The following CTNNA3 variants were observed in gnomAD, a reference collection of about 807,000 sequenced individuals.
The protein encoded by CTNNA3 is catenin alpha-3.
CTNNA3 carries 76 observed loss-of-function variants against 95.7 expected under a neutral mutation model. The observed-to-expected ratio is 0.79, with a 90% confidence interval of 0.66 to 0.96. The LOEUF (loss-of-function observed/expected upper bound fraction) is 0.96, where lower values mean the gene tolerates loss of function less well. Among genes scored for constraint, CTNNA3 ranks in the 40% least tolerant of loss-of-function variants. The pLI is 0.00. For synonymous variants in CTNNA3, 431 were observed against 374.4 expected (o/e 1.15, Z -1.74); for missense variants, 1,191 against 1,089.8 (o/e 1.09, Z -1.31).
chr10:66,788,197 A>G (rs1333554341), intron 7 of CTNNA3, among the ~76,000 whole-genome samples: 1 of 152,062 alleles, frequency 6.6e-6, no homozygotes, highest in Non-Finnish European at 1.5e-5. Flanking sequence ...TTTAATGACC[A>G]CCACCCTCCT....
chr10:65,951,530 T>C (rs1032516616), intron 17 of CTNNA3, among the ~76,000 whole-genome samples: 5 of 152,118 alleles, frequency 3.3e-5, no homozygotes, highest in African/African-American at 1.2e-4. Flanking sequence ...TGTGCTCTAG[T>C]CTGTGTTTCC....
intron 1 of CTNNA3, among the ~76,000 whole-genome samples, chr10:67,726,446 A>ATTATATATAATAT (rs1483078483): frequency 5.5e-5 from 1 of 18,042 alleles, no homozygotes; most frequent in African/African-American, 9.6e-5. Context: ...TATAATATAT[A>ATTATATATAATAT]ATATTATATA....
intron 9 of CTNNA3, among the ~76,000 whole-genome samples, chr10:66,747,481 A>G (rs916047208): frequency 2.0e-5 from 3 of 152,162 alleles, no homozygotes; most frequent in South Asian, 2.1e-4. Flanking sequence ...TCCTGTTTTA[A>G]TGCAGCAGGT....
Position 67,118,266 on chromosome 10 carries a change from T to C in CTNNA3, c.1047+62051A>G, listed in dbSNP as rs79380251. On this transcript the variant is annotated intron_variant, in intron 7 of 17. Coordinates refer to ENST00000433211, the MANE Select transcript of CTNNA3 (RefSeq NM_013266.4). ...ATGGCACTGTTGGAAAAGAGTGTGG[T>C]TTCCCAAACCACATGCTAGGATTAT... 4.3e-3 allele frequency among the ~76,000 whole-genome samples: 653 copies of C among 152,014 alleles called. 6 individuals carry two copies. The highest frequency in any genetic ancestry group is 0.015 in the African/African-American group (620 of 41,512).
rs1429869387 is a variant in CTNNA3, at chr10:67,454,369, C to T, written c.579+67473G>A. Reference sequence around the variant, plus strand: ...ATGTTTCCTCTATATGATAAACATGCTGAAAACAAGTTATTCAGGGAAAAT... The same window carrying T: ...ATGTTTCCTCTATATGATAAACATGTTGAAAACAAGTTATTCAGGGAAAAT... On this transcript the variant is annotated intron_variant, in intron 5 of 17. Transcript: ENST00000433211. Among the ~76,000 whole-genome samples the T allele has an allele frequency of 4.6e-5, 7 of 152,164 alleles. No individual in the cohort carries two copies. The East Asian group carries it at 1.4e-3, about 29-fold the overall frequency.
intron 15 of CTNNA3, among the ~76,000 whole-genome samples, chr10:66,043,152 A>AG: frequency 8.7e-5 from 12 of 138,428 alleles, no homozygotes; most frequent in African/African-American, 2.9e-4. Context: ...AAAAAAAAAA[A>AG]AAGAGAGAGA....
intron 7 of CTNNA3, among the ~76,000 whole-genome samples, chr10:66,784,173 C>A (rs1401686858): frequency 6.6e-6 from 1 of 152,060 alleles, no homozygotes; most frequent in Non-Finnish European, 1.5e-5. Flanking sequence ...TATTTTCTAT[C>A]ATTTCTTTCC....
At chr10:67,667,689 A>G (rs1320364047) in intron 1 of CTNNA3, among the ~76,000 whole-genome samples, 2 of 152,172 alleles carry the variant, frequency 1.3e-5, no homozygotes, top group Non-Finnish European at 2.9e-5. Flanking sequence ...AAACTGCTCT[A>G]TAAGATCGTC....
chr10:66,880,453 T>C (rs1203425396), intron 7 of CTNNA3, among the ~76,000 whole-genome samples: 2 of 152,112 alleles, frequency 1.3e-5, no homozygotes, highest in Non-Finnish European at 2.9e-5. Flanking sequence ...CTTGTGTATG[T>C]TCAGCTATTA....
intron 9 of CTNNA3, among the ~76,000 whole-genome samples, chr10:66,763,892 C>T (rs1056407723): frequency 2.6e-5 from 4 of 152,166 alleles, no homozygotes; most frequent in Admixed American, 6.5e-5. Context: ...CCGGACTAGG[C>T]CAACCTTTGG....
intron 13 of CTNNA3, among the ~76,000 whole-genome samples, chr10:66,106,156 G>A (rs551102032): frequency 2.0e-5 from 3 of 151,070 alleles, no homozygotes; most frequent in Admixed American, 2.0e-4. Flanking sequence ...GCAGCGAGCC[G>A]AGATCGCGCC....
intron 7 of CTNNA3, among the ~76,000 whole-genome samples, chr10:66,995,036 C>T (rs549321661): frequency 6.6e-6 from 1 of 152,232 alleles, no homozygotes; most frequent in Admixed American, 6.5e-5. Flanking sequence ...CAAGTATATG[C>T]TAAATACTCC....
intron 7 of CTNNA3, among the ~76,000 whole-genome samples, chr10:66,865,997 C>A (rs766130655): frequency 2.4e-4 from 36 of 151,984 alleles, no homozygotes; most frequent in Non-Finnish European, 4.7e-4. Flanking sequence ...CTCTTAATTG[C>A]CTATACCTAA....
At chr10:67,326,606 T>C (rs1220465616) in intron 5 of CTNNA3, among the ~76,000 whole-genome samples, 2 of 152,232 alleles carry the variant, frequency 1.3e-5, no homozygotes, top group African/African-American at 2.4e-5. Flanking sequence ...GTTAGTCTGA[T>C]GGGCTTCCCT....
intron 12 of CTNNA3, among the ~76,000 whole-genome samples, chr10:66,357,635 G>A (rs1236878697): frequency 6.6e-6 from 1 of 151,944 alleles, no homozygotes; most frequent in Non-Finnish European, 1.5e-5. Context: ...CTTTCACTCA[G>A]TATAATGTTT....
intron 12 of CTNNA3, among the ~76,000 whole-genome samples, chr10:66,350,942 T>A (rs1193822386): frequency 6.6e-6 from 1 of 152,002 alleles, no homozygotes; most frequent in Non-Finnish European, 1.5e-5. Flanking sequence ...TAAATAACAA[T>A]CTTCTGATAA....
At chr10:66,830,701 C>T (rs1842685644) in intron 7 of CTNNA3, among the ~76,000 whole-genome samples, 1 of 152,046 alleles carries the variant, frequency 6.6e-6, no homozygotes, top group Non-Finnish European at 1.5e-5. Context: ...GCTCCGCCTC[C>T]TGGGTTCCCG....
intron 4 of CTNNA3, among the ~76,000 whole-genome samples, chr10:67,536,487 G>A (rs529953188): frequency 7.2e-5 from 11 of 152,222 alleles, no homozygotes; most frequent in East Asian, 5.8e-4. Flanking sequence ...GTCTTTCTAC[G>A]TCAGGTAAAA....
intron 5 of CTNNA3, among the ~76,000 whole-genome samples, chr10:67,255,000 C>T (rs754806795): frequency 2.8e-4 from 43 of 152,190 alleles, no homozygotes; most frequent in Middle Eastern, 3.4e-3. Flanking sequence ...TGCTATAAAA[C>T]CACAATAATT....
Sources: gnomAD v4.1 joint callset for allele counts (sites outside exome capture counted in the v4.1 genomes callset) on GRCh38, gnomAD v4.1.1 for gene constraint, MANE v1.5 for transcripts, NCBI Gene and HGNC (gene_info 2026-07-23, HGNC 2026-07-21) for gene names.